The following DUSP22 variants were observed in gnomAD, a reference collection of about 807,000 sequenced individuals.
DUSP22 encodes dual specificity phosphatase 22.
In DUSP22, 24 loss-of-function variants were observed where a neutral mutation model predicts 24.5. That is an observed-to-expected ratio of 0.98 (90% confidence interval 0.71 to 1.38). DUSP22 has a LOEUF of 1.38. Ranked by LOEUF, DUSP22 falls within the 40% of genes most tolerant of loss-of-function variation. DUSP22 has a pLI of 0.00. For missense variants in DUSP22, 330 were observed against 269.2 expected, an observed-to-expected ratio of 1.23 and a Z score of -1.58; for synonymous variants, 160 against 106.4, an observed-to-expected ratio of 1.50 and a Z score of -3.10.
At chr6:335,687 G>A (rs1430404875) in intron 4 of DUSP22, among the ~76,000 whole-genome samples, 6 of 152,300 alleles carry the variant, frequency 3.9e-5, no homozygotes, top group Non-Finnish European at 8.8e-5. Flanking sequence ...TAATGAGCAA[G>A]TTTATGTCCT....
At chr6:323,840 A>T (rs1359565173) in intron 3 of DUSP22, among the ~76,000 whole-genome samples, 7 of 152,304 alleles carry the variant, frequency 4.6e-5, no homozygotes, top group Non-Finnish European at 8.8e-5. Context: ...AATCAAATAT[A>T]TCTATTTTAT....
Position 350,659 on chromosome 6 carries a change from A to G in DUSP22, c.*1708A>G. The G allele has an allele frequency of 1.3e-6, 2 of 1,515,414 alleles. No homozygotes were observed. Among genetic ancestry groups the G allele is most frequent in the Non-Finnish European group, 1.8e-6 (2 of 1,132,272 alleles). 93.9% of individuals were successfully genotyped at this position (1,515,414 alleles called of 1,614,324 possible). On this transcript the variant is annotated 3_prime_UTR_variant, in exon 7 of 7. Transcript: ENST00000419235. Reference sequence around the variant, plus strand: ...AGCTAAAACAATTTGCCAATAAAGTACATGTTTTTCCTAAGCCAAAAATAA... The same window carrying G: ...AGCTAAAACAATTTGCCAATAAAGTGCATGTTTTTCCTAAGCCAAAAATAA...
chr6:327,288 C>T lies in DUSP22; in HGVS notation c.139-7826C>T, dbSNP rs1295096573. 1.4e-4 allele frequency among the ~76,000 whole-genome samples: 21 copies of T among 152,420 alleles called. No homozygotes were observed. The East Asian group carries it at 1.5e-3, about 11-fold the overall frequency. On this transcript the variant is annotated intron_variant, in intron 3 of 6. Coordinates refer to ENST00000419235, the MANE Select transcript of DUSP22 (RefSeq NM_001286555.3). ...CCTGTCATGGTTTTCTGTGTGGGAG[C>T]GTGCACTCACCACGTCCAGCAGAGC...
chr6:348,268 C>T lies in DUSP22; in HGVS notation c.429C>T (p.Val143=), dbSNP rs1363181352. 6.2e-7 allele frequency: 1 copy of T among 1,614,284 alleles called. No homozygotes were observed. The change falls in exon 6 of 7, where the codon GTC becomes GTT. Residue 143 remains valine, a synonymous_variant. Transcript: ENST00000419235. ...RQLQEFEKHE[V]HQYRQWLKEE... is the part of the protein sequence containing the mutation. ...TCCAGGAGTTTGAGAAGCATGAGGT[C>T]CATCAGGTAAGCAGTTCTTAGGGGA...
intron 1 of DUSP22, among the ~76,000 whole-genome samples, chr6:293,080 C>G (rs956686835): frequency 6.6e-6 from 1 of 152,280 alleles, no homozygotes; most frequent in South Asian, 2.1e-4. Context: ...TGAGCTGTTT[C>G]TAGATAGTGG....
intron 4 of DUSP22, among the ~76,000 whole-genome samples, chr6:344,246 A>C (rs1200741007): frequency 6.6e-6 from 1 of 152,310 alleles, no homozygotes; most frequent in Non-Finnish European, 1.5e-5. Context: ...TTAGAAGAAG[A>C]AAGGATTAAG....
At chr6:307,790 T>A (rs1366328728) in intron 2 of DUSP22, among the ~76,000 whole-genome samples, 1 of 152,310 alleles carries the variant, frequency 6.6e-6, no homozygotes, top group Non-Finnish European at 1.5e-5. Context: ...ATTGAGACCA[T>A]GTTCGCAGTC....
intron 3 of DUSP22, among the ~76,000 whole-genome samples, chr6:321,257 G>A (rs991272685): frequency 6.6e-6 from 1 of 152,308 alleles, no homozygotes; most frequent in African/African-American, 2.4e-5. Flanking sequence ...AGCTCACCAG[G>A]GTGGCTGGAC....
chr6:306,249 T>C (rs1192195882), intron 2 of DUSP22, among the ~76,000 whole-genome samples: 1 of 152,306 alleles, frequency 6.6e-6, no homozygotes, highest in Non-Finnish European at 1.5e-5. Context: ...GTAGAATTGC[T>C]AGATGAAAGG....
intron 4 of DUSP22, among the ~76,000 whole-genome samples, chr6:345,456 T>C (rs1344483969): frequency 2.0e-5 from 3 of 152,302 alleles, no homozygotes; most frequent in African/African-American, 7.2e-5. Context: ...GTGATCCGCC[T>C]GCCTCAGCCT....
chr6:314,749 C>G (rs1349319712), intron 3 of DUSP22, among the ~76,000 whole-genome samples: 1 of 152,308 alleles, frequency 6.6e-6, no homozygotes, highest in Non-Finnish European at 1.5e-5. Context: ...TGATGTGCCT[C>G]CTACTGAGAC....
At chr6:303,747 C>T (rs1052754579) in intron 1 of DUSP22, among the ~76,000 whole-genome samples, 1 of 152,308 alleles carries the variant, frequency 6.6e-6, no homozygotes, top group Non-Finnish European at 1.5e-5. Flanking sequence ...ATGCAAAGTG[C>T]TGGCAAGACA....
At chr6:296,645 C>T (rs1281221885) in intron 1 of DUSP22, among the ~76,000 whole-genome samples, 3 of 152,304 alleles carry the variant, frequency 2.0e-5, no homozygotes, top group Admixed American at 2.0e-4. Flanking sequence ...CCTATCCTCA[C>T]TGTCTACTTA....
At chr6:336,560 A>G (rs1759369876) in intron 4 of DUSP22, among the ~76,000 whole-genome samples, 1 of 152,308 alleles carries the variant, frequency 6.6e-6, no homozygotes, top group Non-Finnish European at 1.5e-5. Flanking sequence ...TTGGGAAAAA[A>G]AATAGAGCTG....
At chr6:346,060 G>C (rs375807479) in intron 5 of DUSP22, 132 bp downstream of exon 5, 139 of 1,154,692 alleles carry the variant, frequency 1.2e-4, no homozygotes, top group Non-Finnish European at 1.6e-4. Flanking sequence ...TCTCAAACGC[G>C]TGCTCCATTT....
At chr6:305,968 A>C (rs1032672792) in intron 2 of DUSP22, among the ~76,000 whole-genome samples, 2 of 152,422 alleles carry the variant, frequency 1.3e-5, no homozygotes, top group South Asian at 4.1e-4. Context: ...CCACACACAC[A>C]CCCGTATCCC....
chr6:294,596 C>T (rs867333685), intron 1 of DUSP22, among the ~76,000 whole-genome samples: 5 of 152,370 alleles, frequency 3.3e-5, no homozygotes, highest in Middle Eastern at 3.4e-3. Flanking sequence ...TGGAAGATTC[C>T]ATGTTTTTTA....
At chr6:296,954 G>T (rs1351031593) in intron 1 of DUSP22, among the ~76,000 whole-genome samples, 1 of 152,304 alleles carries the variant, frequency 6.6e-6, no homozygotes, top group Non-Finnish European at 1.5e-5. Flanking sequence ...ACCCTGCCTG[G>T]TGGGAATGGC....
chr6:322,888 G>T (rs1019826461), intron 3 of DUSP22, among the ~76,000 whole-genome samples: 1 of 152,194 alleles, frequency 6.6e-6, no homozygotes, highest in African/African-American at 2.4e-5. Context: ...AGTTAAAGGG[G>T]GTAGGTTGGT....
Sources: allele counts gnomAD v4.1 joint callset (sites outside exome capture counted in the v4.1 genomes callset), GRCh38; gene constraint gnomAD v4.1.1; transcripts MANE v1.5; gene names NCBI Gene and HGNC (gene_info 2026-07-23, HGNC 2026-07-21).